Variants in ANKS1B observed in about 807,000 individuals in gnomAD.
The protein encoded by ANKS1B is ankyrin repeat and sterile alpha motif domain-containing protein 1B.
ANKS1B carries 36 observed loss-of-function variants against 148.3 expected under a neutral mutation model. The ratio of observed to expected loss-of-function variants is 0.24; its 90% confidence interval spans 0.19 to 0.32. The LOEUF is 0.32. Among genes scored for constraint, ANKS1B ranks in the 10% least tolerant of loss-of-function variants. The pLI is 1.00. For missense variants in ANKS1B, 1,157 were observed against 1,542.6 expected (o/e 0.75, Z 4.19); for synonymous variants, 542 against 560.8 (o/e 0.97, Z 0.47).
At position 98,829,071 on chromosome 12, in the gene ANKS1B, A is replaced by T; in HGVS notation, c.3066+103T>A. 3 of 1,318,070 alleles carry T rather than the reference A, an allele frequency of 2.3e-6. No homozygotes were observed. The highest frequency in any genetic ancestry group is 3.2e-6 in the Non-Finnish European group (3 of 929,636). 81.6% of individuals were successfully genotyped at this position (1,318,070 alleles called of 1,614,324 possible). ...CGGGGCATAACATGGTATAAATTCT[A>T]GTTAGGCACGGACAATAAGCATCCA... is the stretch of plus-strand genomic sequence containing the variant. On this transcript the variant is annotated intron_variant, in intron 19 of 26. Coordinates refer to ENST00000683438, the MANE Select transcript of ANKS1B (RefSeq NM_001352186.2). This position sits in a 1 kb window ranked among gnomAD's most constrained non-coding sequence, Gnocchi z 5.2.
chr12:99,332,275 A>G (rs1320859749), intron 12 of ANKS1B, among the ~76,000 whole-genome samples: 1 of 152,028 alleles, frequency 6.6e-6, no homozygotes, highest in Non-Finnish European at 1.5e-5. Context: ...TTTGAGAAGC[A>G]CTGATCTACA....
At chr12:99,047,103 T>C (rs955039420) in intron 17 of ANKS1B, among the ~76,000 whole-genome samples, 2 of 151,998 alleles carry the variant, frequency 1.3e-5, no homozygotes, top group Non-Finnish European at 2.9e-5. Context: ...AGGTGAGTAA[T>C]AGAAAATATT....
intron 1 of ANKS1B, among the ~76,000 whole-genome samples, chr12:99,927,724 G>A (rs1435416852): frequency 6.6e-6 from 1 of 152,098 alleles, no homozygotes; most frequent in East Asian, 1.9e-4. Flanking sequence ...TGAGACTGCA[G>A]TGACTTATGA....
chr12:99,586,398 A>G (rs1370184757), intron 9 of ANKS1B, among the ~76,000 whole-genome samples: 1 of 152,134 alleles, frequency 6.6e-6, no homozygotes, highest in Non-Finnish European at 1.5e-5. Context: ...TGTCCATATC[A>G]TTATCAGCAT....
intron 9 of ANKS1B, among the ~76,000 whole-genome samples, chr12:99,560,193 A>C (rs1274226134): frequency 6.6e-6 from 1 of 152,276 alleles, no homozygotes; most frequent in South Asian, 2.1e-4. Flanking sequence ...TTGACTGTAA[A>C]GTTATGGTGA....
intron 12 of ANKS1B, among the ~76,000 whole-genome samples, chr12:99,271,818 G>T (rs1444482246): frequency 6.6e-6 from 1 of 151,706 alleles, no homozygotes; most frequent in Non-Finnish European, 1.5e-5. Context: ...AGACTGGAGT[G>T]AAGGAAGGAT....
At chr12:98,786,510 C>T (rs1053786863) in intron 22 of ANKS1B, among the ~76,000 whole-genome samples, 5 of 152,274 alleles carry the variant, frequency 3.3e-5, no homozygotes, top group East Asian at 3.9e-4. Flanking sequence ...AAATTATGAA[C>T]GGCTTGGTAT....
At chr12:98,933,525 T>C (rs2099815621) in intron 17 of ANKS1B, among the ~76,000 whole-genome samples, 1 of 152,124 alleles carries the variant, frequency 6.6e-6, no homozygotes, top group South Asian at 2.1e-4. Flanking sequence ...CAGAAGTAGA[T>C]TGCTGGATCA....
chr12:99,505,672 G>A (rs2096704422), intron 9 of ANKS1B, among the ~76,000 whole-genome samples: 1 of 148,982 alleles, frequency 6.7e-6, no homozygotes, highest in African/African-American at 2.4e-5. Flanking sequence ...CTAAATGCTG[G>A]ACTGTTTTTA....
chr12:98,997,566 T>C (rs1490083864), intron 17 of ANKS1B, among the ~76,000 whole-genome samples: 4 of 152,134 alleles, frequency 2.6e-5, no homozygotes, highest in Admixed American at 6.5e-5. Context: ...TAATTTTTTG[T>C]ATTTTTAGTA....
chr12:99,582,286 A>G (rs1334311415), intron 9 of ANKS1B, among the ~76,000 whole-genome samples: 4 of 152,030 alleles, frequency 2.6e-5, no homozygotes. Context: ...AAAACAATTC[A>G]GCAGTTTCTT....
At chr12:98,961,350 G>T (rs1432662362) in intron 17 of ANKS1B, among the ~76,000 whole-genome samples, 1 of 151,938 alleles carries the variant, frequency 6.6e-6, no homozygotes, top group Non-Finnish European at 1.5e-5. Flanking sequence ...TGTGCTGAAG[G>T]AAAAAAACCT....
At chr12:99,057,581 G>T (rs1409830905) in intron 16 of ANKS1B, among the ~76,000 whole-genome samples, 1 of 152,114 alleles carries the variant, frequency 6.6e-6, no homozygotes, top group Non-Finnish European at 1.5e-5. Context: ...CACTCAAGTC[G>T]ATTGAACTGT....
intron 9 of ANKS1B, among the ~76,000 whole-genome samples, chr12:99,645,039 T>G (rs191400060): frequency 3.7e-4 from 56 of 152,310 alleles, no homozygotes; most frequent in Admixed American, 1.3e-3. Context: ...CTGAATCACA[T>G]CTGCAAAGTT....
rs1256133650 is a variant in ANKS1B at position 99,221,966 on chromosome 12, T to C, written c.2419+22376A>G. Among the ~76,000 whole-genome samples, 7 of 152,166 alleles carry C rather than the reference T, an allele frequency of 4.6e-5. 1 individual carries two copies. Among genetic ancestry groups the C allele is most frequent in the East Asian group, 1.9e-4 (1 of 5,200 alleles). Reference sequence around the variant, plus strand: ...TTAAGGTATATTAATAGGATTATTATTATTTTTTAAAATTTTGCAGGCACA... The same window carrying C: ...TTAAGGTATATTAATAGGATTATTACTATTTTTTAAAATTTTGCAGGCACA... On this transcript the variant is annotated intron_variant, in intron 14 of 26. Transcript: ENST00000683438.
chr12:99,635,331 A>T (rs1368446855), intron 9 of ANKS1B, among the ~76,000 whole-genome samples: 4 of 152,204 alleles, frequency 2.6e-5, no homozygotes, highest in Non-Finnish European at 5.9e-5. Flanking sequence ...TTTTCACAAC[A>T]GCCAAAAGGT....
At position 99,407,494 on chromosome 12, in the gene ANKS1B, G is replaced by A. The variant is rs180680330; in HGVS notation, c.1576-7683C>T. Among the ~76,000 whole-genome samples the A allele has an allele frequency of 4.1e-4, 59 of 145,420 alleles. 7 individuals are homozygous for A. The highest frequency in any genetic ancestry group is 3.3e-3 in the Admixed American group (48 of 14,660). ...CCCACTTTCAGCACTCTTATTCACCGTCATACTGGAAGTCCTGGCTAGTAA... is the reference window on the plus strand; with the variant it reads ...CCCACTTTCAGCACTCTTATTCACCATCATACTGGAAGTCCTGGCTAGTAA... On this transcript the variant is annotated intron_variant, in intron 11 of 26. Coordinates refer to ENST00000683438, the MANE Select transcript of ANKS1B (RefSeq NM_001352186.2).
chr12:99,369,929 G>T (rs1046772477), intron 12 of ANKS1B, among the ~76,000 whole-genome samples: 2 of 151,764 alleles, frequency 1.3e-5, no homozygotes, highest in Admixed American at 1.3e-4. Flanking sequence ...AATGTAGGTT[G>T]TTGGGTGATG....
At position 98,829,387 on chromosome 12, in the gene ANKS1B, G is replaced by A. The variant is rs2099275971; in HGVS notation, c.2887-34C>T. The A allele has an allele frequency of 6.3e-7, 1 of 1,596,252 alleles. No individual in the cohort carries two copies. ...AAATACATCATGAAATAAATACCAT[G>A]TTCTGTGGCTAACCTTTGGTTTCAA... On this transcript the variant is annotated intron_variant, in intron 18 of 26. Transcript: ENST00000683438. This position sits in a 1 kb window ranked among gnomAD's most constrained non-coding sequence, Gnocchi z 5.2.
Sources: gnomAD v4.1 joint callset for allele counts (sites outside exome capture counted in the v4.1 genomes callset) on GRCh38, gnomAD v4.1.1 for gene constraint, Gnocchi (gnomAD v3.1) non-coding constraint, MANE v1.5 for transcripts, NCBI Gene and HGNC (gene_info 2026-07-23, HGNC 2026-07-21) for gene names.